The following MACROD2 variants were observed in gnomAD, a reference collection of about 807,000 sequenced individuals.
MACROD2 encodes the protein mono-ADP ribosylhydrolase 2.
Under a neutral mutation model 70.4 loss-of-function variants are expected in MACROD2, and 36 were observed. The ratio of observed to expected loss-of-function variants is 0.51; its 90% CI spans 0.39 to 0.68. The LOEUF (loss-of-function observed/expected upper bound fraction) is 0.68. Ranked by LOEUF, MACROD2 falls within the 30% of genes least tolerant of loss-of-function variation. The pLI is 0.00. For synonymous variants in MACROD2, 172 were observed against 178.8 expected, an observed-to-expected ratio of 0.96 and a Z score of 0.30; for missense variants, 496 against 538.4, an observed-to-expected ratio of 0.92 and a Z score of 0.78.
chr20:15,585,921 A>G (rs1568911753), intron 8 of MACROD2, among the ~76,000 whole-genome samples: 1 of 152,144 alleles, frequency 6.6e-6, no homozygotes, highest in Non-Finnish European at 1.5e-5. Context: ...CCTTTCCTTT[A>G]CTATTAACCA....
intron 5 of MACROD2, among the ~76,000 whole-genome samples, chr20:15,209,652 C>G (rs2076744099): frequency 6.6e-6 from 1 of 152,178 alleles, no homozygotes; most frequent in Non-Finnish European, 1.5e-5. Context: ...GATGCAGAAA[C>G]CTTCCCAGCA....
intron 15 of MACROD2, among the ~76,000 whole-genome samples, chr20:16,028,324 G>T (rs1458725453): frequency 6.6e-6 from 1 of 152,080 alleles, no homozygotes; most frequent in African/African-American, 2.4e-5. Context: ...CATGAGGGCA[G>T]AGGTGTGCCT....
chr20:15,824,659 A>G (rs535007002), intron 8 of MACROD2, among the ~76,000 whole-genome samples: 1 of 152,300 alleles, frequency 6.6e-6, no homozygotes, highest in East Asian at 1.9e-4. Flanking sequence ...GAGGAAGTAA[A>G]TGATTGGTAT....
intron 8 of MACROD2, among the ~76,000 whole-genome samples, chr20:15,540,492 C>T (rs2047940982): frequency 6.6e-6 from 1 of 152,066 alleles, no homozygotes; most frequent in South Asian, 2.1e-4. Flanking sequence ...GAACCAAGGA[C>T]AAGACTTTGA....
intron 6 of MACROD2, among the ~76,000 whole-genome samples, chr20:15,427,020 G>A (rs1382154794): frequency 2.1e-5 from 3 of 144,994 alleles, no homozygotes; most frequent in African/African-American, 7.8e-5. Context: ...CTCTCTGTCT[G>A]TCTGTCTCTC....
intron 4 of MACROD2, among the ~76,000 whole-genome samples, chr20:14,582,452 G>A (rs1373929203): frequency 6.6e-6 from 1 of 152,032 alleles, no homozygotes; most frequent in Non-Finnish European, 1.5e-5. Flanking sequence ...ATGTCTCCCA[G>A]CAGCGTGACC....
At chr20:15,644,042 A>T (rs565614976) in intron 8 of MACROD2, among the ~76,000 whole-genome samples, 1 of 152,294 alleles carries the variant, frequency 6.6e-6, no homozygotes, top group South Asian at 2.1e-4. Flanking sequence ...ATTTAGACAT[A>T]TACCATACCT....
chr20:15,257,101 G>A (rs765897965), intron 6 of MACROD2, among the ~76,000 whole-genome samples: 63 of 151,872 alleles, frequency 4.1e-4, no homozygotes, highest in Middle Eastern at 3.4e-3. Context: ...TCTGGATTAC[G>A]GTGTGGATAT....
intron 5 of MACROD2, among the ~76,000 whole-genome samples, chr20:15,132,208 A>T (rs1173676577): frequency 1.3e-5 from 2 of 152,034 alleles, no homozygotes; most frequent in Non-Finnish European, 2.9e-5. Context: ...AACATATCTA[A>T]AATGAAGTAA....
At position 14,366,937 on chromosome 20, in the gene MACROD2, GCTATTTGTTTT is replaced by G. The variant is rs559242141; in HGVS notation, c.272-126539_272-126529del. 7.0e-4 allele frequency among the ~76,000 whole-genome samples: 106 copies of G among 152,118 alleles called. 2 individuals are homozygous for G. In the South Asian group the frequency reaches 0.021, roughly 31 times the overall value. On this transcript the variant is annotated intron_variant, in intron 3 of 17. Transcript: ENST00000684519. ...AGGAAAGGCTTGCTTCTGCCATTTT[GCTATTTGTTTT>G]CTGTATGTCTTATAGCCTTTTGTTC...
chr20:15,838,579 A>G (rs1175772134), intron 8 of MACROD2, among the ~76,000 whole-genome samples: 2 of 152,128 alleles, frequency 1.3e-5, no homozygotes, highest in Non-Finnish European at 2.9e-5. Flanking sequence ...CCCCTTAGCT[A>G]TTTCTATGGC....
chr20:14,448,513 C>T (rs2084208941), intron 3 of MACROD2, among the ~76,000 whole-genome samples: 1 of 151,782 alleles, frequency 6.6e-6, no homozygotes, highest in African/African-American at 2.4e-5. Context: ...CCCATCTCTA[C>T]CAAAAATACA....
At chr20:15,674,343 A>G (rs890341785) in intron 8 of MACROD2, among the ~76,000 whole-genome samples, 2 of 152,158 alleles carry the variant, frequency 1.3e-5, no homozygotes, top group Non-Finnish European at 2.9e-5. Context: ...TGCAGGATGC[A>G]GATGAGCTAG....
intron 5 of MACROD2, among the ~76,000 whole-genome samples, chr20:15,189,770 T>G (rs1386152518): frequency 2.6e-5 from 4 of 152,210 alleles, no homozygotes; most frequent in Admixed American, 2.6e-4. Context: ...GCATTAGTCA[T>G]GTAGGTATAA....
intron 6 of MACROD2, among the ~76,000 whole-genome samples, chr20:15,327,951 T>G (rs1404084568): frequency 6.6e-6 from 1 of 152,104 alleles, no homozygotes; most frequent in African/African-American, 2.4e-5. Flanking sequence ...ACTATCCTTG[T>G]GGAGTTTACA....
intron 5 of MACROD2, among the ~76,000 whole-genome samples, chr20:15,042,594 G>T (rs1174654284): frequency 2.0e-5 from 3 of 152,188 alleles, no homozygotes; most frequent in African/African-American, 7.2e-5. Context: ...CCGGGACAGA[G>T]CCAGAATCAT....
chr20:15,642,815 G>A (rs187886351), intron 8 of MACROD2, among the ~76,000 whole-genome samples: 122 of 152,104 alleles, frequency 8.0e-4, no homozygotes, highest in East Asian at 1.4e-3. Flanking sequence ...CTGCCTTCAC[G>A]TTCCTCTCTG....
chr20:14,484,117 T>C (rs2084693612), intron 3 of MACROD2, among the ~76,000 whole-genome samples: 1 of 152,202 alleles, frequency 6.6e-6, no homozygotes, highest in East Asian at 1.9e-4. Flanking sequence ...CATAGAATAA[T>C]ACTGATGATT....
At chr20:15,824,576 T>C (rs117636000) in intron 8 of MACROD2, among the ~76,000 whole-genome samples, 127 of 152,302 alleles carry the variant, frequency 8.3e-4, no homozygotes, top group Admixed American at 1.4e-3. Context: ...ATTCATGACA[T>C]AGTGATGCTA....
Sources: gnomAD v4.1 joint callset for allele counts (sites outside exome capture counted in the v4.1 genomes callset) on GRCh38, gnomAD v4.1.1 for gene constraint, MANE v1.5 for transcripts, NCBI Gene and HGNC (gene_info 2026-07-23, HGNC 2026-07-21) for gene names.